Variants in RNF8 observed in about 807,000 individuals in gnomAD.
RNF8 encodes the protein E3 ubiquitin-protein ligase RNF8.
RNF8 carries 8 observed loss-of-function variants against 59.3 expected under a neutral mutation model. The observed-to-expected ratio is 0.13, with a 90% CI of 0.08 to 0.24. The LOEUF (loss-of-function observed/expected upper bound fraction) is 0.24. Among genes scored for constraint, RNF8 ranks in the 10% least tolerant of loss-of-function variants. The pLI is 1.00. For missense variants in RNF8, 406 were observed against 572.6 expected (o/e 0.71, Z 2.97); for synonymous variants, 162 against 200.0 (o/e 0.81, Z 1.60).
rs1300479512 is a variant in RNF8 at position 37,360,930 on chromosome 6, T to G, written c.240+356T>G. ...TCTGCTGACGCTTCTGGAGTACACTTATGGCTCAGTGGACAAGGGGAGGAG... is the reference window on the plus strand; with the variant it reads ...TCTGCTGACGCTTCTGGAGTACACTGATGGCTCAGTGGACAAGGGGAGGAG... On this transcript the variant is annotated intron_variant, in intron 2 of 7. Coordinates refer to ENST00000373479, the MANE Select transcript of RNF8 (RefSeq NM_003958.4). The surrounding 1 kb of genome is among the most constrained non-coding windows in gnomAD (Gnocchi z 4.2). Among the ~76,000 whole-genome samples, 1 of 152,120 alleles carries G rather than the reference T, an allele frequency of 6.6e-6. No individual in the cohort carries two copies. Among genetic ancestry groups the G allele is most frequent in the African/African-American group, 2.4e-5 (1 of 41,444 alleles).
At chr6:37,368,102 T>G (rs528677130) in intron 2 of RNF8, among the ~76,000 whole-genome samples, 1 of 152,366 alleles carries the variant, frequency 6.6e-6, no homozygotes, top group Non-Finnish European at 1.5e-5. Flanking sequence ...ACCTCACCCT[T>G]AGCTACTGCT....
Position 37,390,994 on chromosome 6 carries a change from CG to C in RNF8, c.*237del, listed in dbSNP as rs1260785901. 3 of 622,638 alleles carry C rather than the reference CG, an allele frequency of 4.8e-6. No homozygotes were observed. The African/African-American group carries it at 5.5e-5, about 11-fold the overall frequency. 38.6% of individuals were successfully genotyped at this position (622,638 alleles called of 1,614,324 possible). A position where few individuals can be genotyped will look rare whatever the true frequency, so the allele number is the denominator to read the frequency against. On this transcript the variant is annotated 3_prime_UTR_variant, in exon 8 of 8. Transcript: ENST00000373479. ...GGCACCCAACTGCTTCAGGGTACTTCGTAGACTCTGCCTCACTACATGTCGA... is the reference window on the plus strand; with the variant it reads ...GGCACCCAACTGCTTCAGGGTACTTCTAGACTCTGCCTCACTACATGTCGA...
rs374927307 is a variant in RNF8 at position 37,390,707 on chromosome 6, C to T, written c.1442-35C>T. On this transcript the variant is annotated intron_variant, in intron 7 of 7. Coordinates refer to ENST00000373479, the MANE Select transcript of RNF8 (RefSeq NM_003958.4). ...AGTCCACGGAAGGGAAATACAGGCT[C>T]CTCATTTATTTATTTCTCTTCTTTT... 2.6e-6 allele frequency: 4 copies of T among 1,519,180 alleles called. No individual in the cohort carries two copies. In the African/African-American group the frequency reaches 4.1e-5, roughly 16 times the overall value. 94.1% of individuals were successfully genotyped at this position (1,519,180 alleles called of 1,614,324 possible).
rs1769809844 is a variant in RNF8, at chr6:37,371,643, A to G, written c.1038+69A>G. ...GGGAGCAAACAGGCATCACATGACC[A>G]CTGGCTGCCTCTGCTGCTTAGCCCA... On this transcript the variant is annotated intron_variant, in intron 4 of 7. Coordinates refer to ENST00000373479, the MANE Select transcript of RNF8 (RefSeq NM_003958.4). 3.9e-6 allele frequency: 5 copies of G among 1,289,412 alleles called. No individual in the cohort carries two copies. The South Asian group carries it at 6.0e-5, about 15-fold the overall frequency. The allele number at this position is 1,289,412 out of a possible 1,614,324, so 79.9% of individuals were successfully genotyped here.
intron 7 of RNF8, among the ~76,000 whole-genome samples, chr6:37,383,369 CA>C (rs1770356989): frequency 6.6e-6 from 1 of 152,168 alleles, no homozygotes; most frequent in Non-Finnish European, 1.5e-5. Context: ...ATTCCAAGGC[CA>C]ATTGAAAGCT....
intron 4 of RNF8, 67 bp from the exon 5 acceptor site, chr6:37,374,553 T>C (rs532731600): frequency 1.0e-4 from 123 of 1,180,834 alleles, no homozygotes; most frequent in Non-Finnish European, 3.8e-6. Flanking sequence ...AGAACAGGCA[T>C]GTTTGTGGCT....
chr6:37,355,163 A>T (rs1310338155), intron 1 of RNF8, among the ~76,000 whole-genome samples: 1 of 152,146 alleles, frequency 6.6e-6, no homozygotes, highest in Non-Finnish European at 1.5e-5. Context: ...TCTTGAAAAG[A>T]CGAGGGAAGG....
rs1434790131 is a variant in RNF8, at chr6:37,393,371, G to A, written c.*2613G>A. On this transcript the variant is annotated 3_prime_UTR_variant, in exon 8 of 8. Transcript: ENST00000373479. The stretch of plus-strand genomic sequence containing the variant: ...AAATTAACCCAAACTTGCATTATTT[G>A]TCTGAGCTACAGAATGTTCTTTCCT... 2.0e-5 allele frequency: 3 copies of A among 152,174 alleles called. No individual in the cohort carries two copies. Among genetic ancestry groups the A allele is most frequent in the Admixed American group, 2.0e-4 (3 of 15,274 alleles). 9.4% of individuals were successfully genotyped at this position (152,174 alleles called of 1,614,324 possible).
At chr6:37,383,739 G>A (rs75711052) in intron 7 of RNF8, among the ~76,000 whole-genome samples, 1 of 152,364 alleles carries the variant, frequency 6.6e-6, no homozygotes, top group Non-Finnish European at 1.5e-5. Context: ...TCCTGAGTTG[G>A]AGATGGATGC....
At chr6:37,383,562 G>A (rs1348147037) in intron 7 of RNF8, among the ~76,000 whole-genome samples, 1 of 152,204 alleles carries the variant, frequency 6.6e-6, no homozygotes, top group Admixed American at 6.5e-5. Flanking sequence ...ATGCAGACAT[G>A]CCTGTATTCT....
chr6:37,359,789 C>T (rs187716668), intron 1 of RNF8, among the ~76,000 whole-genome samples: 2 of 152,284 alleles, frequency 1.3e-5, no homozygotes, highest in Non-Finnish European at 1.5e-5. Context: ...GTAACACTTG[C>T]GTTTGACTGT....
chr6:37,354,283 G>T lies in RNF8; in HGVS notation c.111+8G>T. ...CTGGAAGATGGGTGCGAGGTACGGG[G>T]GAAGGGGTCCTGTGGAGCGGAGGGC... On this transcript the variant is annotated splice_region_variant and intron_variant, in intron 1 of 7. Transcript: ENST00000373479. 6.4e-7 allele frequency: 1 copy of T among 1,554,630 alleles called. No individual in the cohort carries two copies. Among genetic ancestry groups the T allele is most frequent in the East Asian group, 2.4e-5 (1 of 42,296 alleles).
intron 4 of RNF8, 102 bp downstream of exon 4, chr6:37,371,676 G>A: frequency 1.2e-6 from 1 of 857,514 alleles, no homozygotes; most frequent in Non-Finnish European, 1.9e-6. Context: ...CCATACCTCT[G>A]TGGCATCCCC....
chr6:37,368,779 T>A lies in RNF8; in HGVS notation c.536T>A (p.Val179Glu). 6.2e-7 allele frequency: 1 copy of A among 1,614,152 alleles called. No homozygotes were observed. Among genetic ancestry groups the A allele is most frequent in the Non-Finnish European group, 8.5e-7 (1 of 1,180,028 alleles). ...PSNLKSKINKVSCESGQPVKS... is the reference protein window; with the variant it reads ...PSNLKSKINKESCESGQPVKS... ...AATTTGAAATCCAAAATAAATAAAG[T>A]GTCTTGTGAATCTGGTCAGCCAGTG... Residue 179 changes from valine to glutamate, a missense_variant, in exon 3 of 8, where the codon GTG becomes GAG. Val to Glu is a moderately radical substitution (Grantham distance 121, BLOSUM62 -2). Around this residue, in one of 3 missense-constraint regions of RNF8, gnomAD observed 285 missense variants for 342.0 expected, o/e 0.83. Transcript: ENST00000373479.
Position 37,394,579 on chromosome 6 carries a change from T to C in RNF8, c.*3821T>C, listed in dbSNP as rs1770809891. On this transcript the variant is annotated 3_prime_UTR_variant, in exon 8 of 8. Transcript: ENST00000373479. ...TCGCCAAGCAGTATCTCCTGCTTGC[T>C]GCTGCTTTACTACATTCCAGATGCC... 1 of 152,182 alleles carries C rather than the reference T, an allele frequency of 6.6e-6. No homozygotes were observed. Among genetic ancestry groups the C allele is most frequent in the Admixed American group, 6.5e-5 (1 of 15,272 alleles). The allele number at this position is 152,182 out of a possible 1,614,324, so 9.4% of individuals were successfully genotyped here.
At chr6:37,376,120 A>G (rs1234545903) in intron 5 of RNF8, among the ~76,000 whole-genome samples, 4 of 152,154 alleles carry the variant, frequency 2.6e-5, no homozygotes, top group African/African-American at 4.8e-5. Context: ...AACTAATTCA[A>G]GTTTCCTGCC....
intron 4 of RNF8, among the ~76,000 whole-genome samples, chr6:37,372,856 C>G (rs1562091637): frequency 6.6e-6 from 1 of 152,178 alleles, no homozygotes; most frequent in Non-Finnish European, 1.5e-5. Context: ...GTAATCCCAG[C>G]TATTCAGGAG....
In RNF8 at chr6:37,360,617, A is replaced by T; in HGVS notation, c.240+43A>T. 1 of 1,544,534 alleles carries T rather than the reference A, an allele frequency of 6.5e-7. No individual in the cohort carries two copies. Among genetic ancestry groups the T allele is most frequent in the Non-Finnish European group, 8.7e-7 (1 of 1,150,438 alleles). On this transcript the variant is annotated intron_variant, in intron 2 of 7. Coordinates refer to ENST00000373479, the MANE Select transcript of RNF8 (RefSeq NM_003958.4). This position sits in a 1 kb window ranked among gnomAD's most constrained non-coding sequence, Gnocchi z 4.2. ...AGCCTAATGACTTTTATTTGTTTTT[A>T]AATTACTTTTTTTTTTTTTTGCATA... is the stretch of plus-strand genomic sequence containing the variant.
intron 1 of RNF8, among the ~76,000 whole-genome samples, chr6:37,355,382 C>T (rs1025146574): frequency 6.6e-6 from 1 of 152,184 alleles, no homozygotes; most frequent in African/African-American, 2.4e-5. Flanking sequence ...GCCGTACTGC[C>T]TCAATTCAGT....
Sources: gnomAD v4.1 joint callset for allele counts (sites outside exome capture counted in the v4.1 genomes callset) on GRCh38, gnomAD v4.1.1 for gene constraint, gnomAD v4.1.1 regional missense constraint, Gnocchi (gnomAD v3.1) non-coding constraint, MANE v1.5 for transcripts, NCBI Gene and HGNC (gene_info 2026-07-23, HGNC 2026-07-21) for gene names.